The following KIF26B variants were observed in gnomAD, a reference collection of about 807,000 sequenced individuals.
The protein encoded by KIF26B is kinesin-like protein KIF26B.
In KIF26B, 63 loss-of-function variants were observed where a neutral mutation model predicts 151.2. The observed-to-expected ratio is 0.42, with a 90% CI of 0.34 to 0.51. The LOEUF is 0.51. Among genes scored for constraint, KIF26B ranks in the 20% least tolerant of loss-of-function variants. KIF26B has a pLI of 0.07. For missense variants in KIF26B, 2,813 were observed against 2,913.6 expected (o/e 0.97, Z 0.79); for synonymous variants, 1,357 against 1,262.1 (o/e 1.08, Z -1.59).
intron 4 of KIF26B, among the ~76,000 whole-genome samples, chr1:245,487,026 G>T (rs1182681053): frequency 6.6e-6 from 1 of 152,188 alleles, no homozygotes; most frequent in Non-Finnish European, 1.5e-5. Context: ...GTCACAAGGG[G>T]TGGCTCCCAA....
intron 4 of KIF26B, among the ~76,000 whole-genome samples, chr1:245,484,458 A>G (rs2103070554): frequency 6.6e-6 from 1 of 151,894 alleles, no homozygotes; most frequent in South Asian, 2.1e-4. Flanking sequence ...CTGTCCCTGG[A>G]CACTGTAACT....
At chr1:245,295,609 C>T (rs1024711132) in intron 2 of KIF26B, among the ~76,000 whole-genome samples, 8 of 152,198 alleles carry the variant, frequency 5.3e-5, no homozygotes, top group Non-Finnish European at 8.8e-5. Flanking sequence ...CATTTGCACA[C>T]ATGGTGAGCC....
At chr1:245,335,236 G>A (rs563720099) in intron 2 of KIF26B, among the ~76,000 whole-genome samples, 5 of 152,292 alleles carry the variant, frequency 3.3e-5, no homozygotes, top group South Asian at 4.2e-4. Flanking sequence ...GCAGCCTGGG[G>A]CAAGGCTCAG....
intron 2 of KIF26B, among the ~76,000 whole-genome samples, chr1:245,347,550 G>A (rs1342814723): frequency 3.3e-5 from 5 of 152,086 alleles, no homozygotes; most frequent in Non-Finnish European, 5.9e-5. Context: ...TTGAACTCCC[G>A]GGCTCAAGCA....
At position 245,698,136 on chromosome 1, in the gene KIF26B, T is replaced by C. The variant is rs373383106; in HGVS notation, c.5855T>C (p.Leu1952Pro). The C allele has an allele frequency of 8.6e-5, 139 of 1,613,876 alleles. No individual in the cohort carries two copies. The highest frequency in any genetic ancestry group is 1.1e-4 in the Non-Finnish European group (133 of 1,179,894). Residue 1952 changes from leucine to proline, a missense_variant, in exon 13 of 15, where the codon CTA becomes CCA. Leu to Pro is a moderately conservative substitution (Grantham distance 98). Transcript: ENST00000407071. This position sits in a 1 kb window ranked among gnomAD's most constrained non-coding sequence, Gnocchi z 4.0. ...GSQRRRLIPA[L>P]SLDTSSPVRK... is the part of the protein sequence containing the mutation. Reference sequence around the variant, plus strand: ...CAGAGACGGAGGCTTATCCCAGCACTATCCCTGGACACCTCTTCCCCTGTG... The same window carrying C: ...CAGAGACGGAGGCTTATCCCAGCACCATCCCTGGACACCTCTTCCCCTGTG...
chr1:245,238,040 AGT>A (rs1670146445), intron 2 of KIF26B, among the ~76,000 whole-genome samples: 1 of 149,250 alleles, frequency 6.7e-6, no homozygotes, highest in Non-Finnish European at 1.5e-5. Context: ...AAAAAAAAAA[AGT>A]TGTTATTTGG....
At chr1:245,272,452 TA>T (rs1033132937) in intron 2 of KIF26B, among the ~76,000 whole-genome samples, 3 of 151,954 alleles carry the variant, frequency 2.0e-5, no homozygotes, top group African/African-American at 7.3e-5. Context: ...GTTTTTCTTT[TA>T]AAAAAATCAA....
chr1:245,445,835 A>G (rs182623150), intron 4 of KIF26B, among the ~76,000 whole-genome samples: 2 of 152,286 alleles, frequency 1.3e-5, no homozygotes, highest in South Asian at 2.1e-4. Context: ...CCATTCCTCC[A>G]GTCACAGGGC....
At chr1:245,511,485 A>C (rs1660836223) in intron 4 of KIF26B, among the ~76,000 whole-genome samples, 1 of 152,250 alleles carries the variant, frequency 6.6e-6, no homozygotes, top group Non-Finnish European at 1.5e-5. Context: ...TCATATTAGA[A>C]TCAAAGAACT....
chr1:245,198,471 C>G (rs900823640), intron 2 of KIF26B, among the ~76,000 whole-genome samples: 3 of 60,038 alleles, frequency 5.0e-5, no homozygotes, highest in African/African-American at 1.1e-4. Context: ...CCTGTAATCC[C>G]AGCACTTTGG....
chr1:245,675,086 A>G (rs2044342536), intron 10 of KIF26B, among the ~76,000 whole-genome samples: 1 of 152,216 alleles, frequency 6.6e-6, no homozygotes, highest in Non-Finnish European at 1.5e-5. Context: ...ACAGATTAAA[A>G]TCAGCCAAAG....
At position 245,563,212 on chromosome 1, in the gene KIF26B, C is replaced by T. The variant is rs1016108083; in HGVS notation, c.1350+22262C>T. Among the ~76,000 whole-genome samples the T allele has an allele frequency of 1.1e-4, 17 of 152,308 alleles. No individual in the cohort carries two copies. The highest frequency in any genetic ancestry group is 1.2e-4 in the Non-Finnish European group (8 of 68,030). ...AGTCAGTGTCTCTTCCCAAAGACCC[C>T]CACTGAACCCATCAGATGTAAAATC... On this transcript the variant is annotated intron_variant, in intron 5 of 14. Transcript: ENST00000407071. The surrounding 1 kb of genome is among the most constrained non-coding windows in gnomAD (Gnocchi z 4.6).
intron 2 of KIF26B, among the ~76,000 whole-genome samples, chr1:245,361,964 G>T (rs987776314): frequency 6.6e-6 from 1 of 151,622 alleles, no homozygotes; most frequent in Non-Finnish European, 1.5e-5. Flanking sequence ...TTTGTCAGGC[G>T]TTCTGATTGG....
chr1:245,676,790 C>T (rs1490584523), intron 10 of KIF26B, among the ~76,000 whole-genome samples: 1 of 152,174 alleles, frequency 6.6e-6, no homozygotes, highest in Non-Finnish European at 1.5e-5. Context: ...TTCTGATGTC[C>T]CTGAGGGCTC....
At chr1:245,408,840 G>A (rs751820451) in intron 3 of KIF26B, among the ~76,000 whole-genome samples, 2 of 152,110 alleles carry the variant, frequency 1.3e-5, no homozygotes, top group Non-Finnish European at 2.9e-5. Context: ...CCTGGCAGAC[G>A]GAATTGAAGC....
At chr1:245,551,873 C>T (rs558174813) in intron 5 of KIF26B, among the ~76,000 whole-genome samples, 2 of 152,210 alleles carry the variant, frequency 1.3e-5, no homozygotes, top group South Asian at 2.1e-4. Flanking sequence ...GGTGCCCCCT[C>T]GTGTGCTTCC....
chr1:245,258,574 T>A (rs1179297328), intron 2 of KIF26B, among the ~76,000 whole-genome samples: 2 of 152,138 alleles, frequency 1.3e-5, no homozygotes, highest in African/African-American at 4.8e-5. Flanking sequence ...AAATGAAAGT[T>A]TGTCTTACTG....
chr1:245,258,598 G>A (rs1283248598), intron 2 of KIF26B, among the ~76,000 whole-genome samples: 2 of 152,156 alleles, frequency 1.3e-5, no homozygotes, highest in Admixed American at 1.3e-4. Flanking sequence ...TTAGCAACTG[G>A]CCCCTTTCCA....
intron 4 of KIF26B, among the ~76,000 whole-genome samples, chr1:245,451,922 T>G (rs1052460095): frequency 6.6e-6 from 1 of 152,158 alleles, no homozygotes; most frequent in Admixed American, 6.5e-5. Flanking sequence ...TTTAAAAAAA[T>G]TATTTACTGT....
Sources: gnomAD v4.1 joint callset for allele counts (sites outside exome capture counted in the v4.1 genomes callset) on GRCh38, gnomAD v4.1.1 for gene constraint, Gnocchi (gnomAD v3.1) non-coding constraint, MANE v1.5 for transcripts, NCBI Gene and HGNC (gene_info 2026-07-23, HGNC 2026-07-21) for gene names.